The following PLCL2 variants were observed in gnomAD, a reference collection of about 807,000 sequenced individuals.
PLCL2 encodes the protein phospholipase C like 2.
In PLCL2, 4 loss-of-function variants were observed where a neutral mutation model predicts 79.6. The ratio of observed to expected loss-of-function variants is 0.05; its 90% confidence interval spans 0.02 to 0.11. The LOEUF is 0.11. Ranked by LOEUF, PLCL2 falls within the 10% of genes least tolerant of loss-of-function variation. The pLI, the probability that PLCL2 is intolerant of heterozygous loss-of-function variation, is 1.00. For synonymous variants in PLCL2, 484 were observed against 457.7 expected, an observed-to-expected ratio of 1.06 and a Z score of -0.73; for missense variants, 895 against 1,291.0, an observed-to-expected ratio of 0.69 and a Z score of 4.70.
intron 1 of PLCL2, among the ~76,000 whole-genome samples, chr3:16,923,257 A>G (rs1294770416): frequency 6.6e-6 from 1 of 152,140 alleles, no homozygotes; most frequent in Non-Finnish European, 1.5e-5. Context: ...TGGTGATTTG[A>G]GAGTGGAGGT....
At chr3:17,035,727 A>G (rs762186686) in intron 3 of PLCL2, 8 of 511,850 alleles carry the variant, frequency 1.6e-5, no homozygotes, top group Admixed American at 3.9e-5. Flanking sequence ...ATCTTATCCA[A>G]TCTGGCCCTC....
At chr3:17,053,362 AG>A (rs1575606371) in intron 4 of PLCL2, among the ~76,000 whole-genome samples, 1 of 152,100 alleles carries the variant, frequency 6.6e-6, no homozygotes, top group African/African-American at 2.4e-5. Context: ...AGAACTCAAA[AG>A]GGGGGATGGT....
At chr3:16,910,166 TCTC>T (rs1462324410) in intron 1 of PLCL2, among the ~76,000 whole-genome samples, 14 of 152,174 alleles carry the variant, frequency 9.2e-5, no homozygotes, top group Non-Finnish European at 1.9e-4. Flanking sequence ...TGTTGCAACT[TCTC>T]CTGCTGGCTA....
intron 4 of PLCL2, among the ~76,000 whole-genome samples, chr3:17,056,204 G>A (rs978592163): frequency 1.3e-5 from 2 of 152,074 alleles, no homozygotes; most frequent in Admixed American, 6.5e-5. Context: ...AAACCATTTG[G>A]TTATGAGAAT....
chr3:17,087,146 T>C (rs186825034), intron 5 of PLCL2, among the ~76,000 whole-genome samples: 2 of 152,332 alleles, frequency 1.3e-5, no homozygotes, highest in Non-Finnish European at 2.9e-5. Context: ...CCAGCGATCA[T>C]ACCCCTTGGA....
chr3:16,943,333 CTG>C (rs1278282192), intron 1 of PLCL2, among the ~76,000 whole-genome samples: 2 of 152,208 alleles, frequency 1.3e-5, no homozygotes, highest in African/African-American at 4.8e-5. Flanking sequence ...AAATGGCCTC[CTG>C]AGTGTTGCTT....
intron 5 of PLCL2, among the ~76,000 whole-genome samples, chr3:17,087,585 T>G (rs1033957439): frequency 2.6e-5 from 4 of 152,174 alleles, no homozygotes; most frequent in African/African-American, 9.7e-5. Flanking sequence ...TAGATAGATG[T>G]TGTTATACAT....
intron 1 of PLCL2, among the ~76,000 whole-genome samples, chr3:16,949,670 C>T (rs1172696009): frequency 1.3e-5 from 2 of 152,158 alleles, no homozygotes; most frequent in Non-Finnish European, 2.9e-5. Context: ...CTCCATCCTC[C>T]TCCCACTTTG....
intron 4 of PLCL2, among the ~76,000 whole-genome samples, chr3:17,049,670 A>G (rs911311826): frequency 3.3e-5 from 5 of 152,192 alleles, no homozygotes; most frequent in Non-Finnish European, 7.3e-5. Flanking sequence ...AATGAAAGAA[A>G]TTAAAGAGGG....
At chr3:17,035,377 C>G (rs2064636393) in intron 3 of PLCL2, among the ~76,000 whole-genome samples, 1 of 151,850 alleles carries the variant, frequency 6.6e-6, no homozygotes, top group Non-Finnish European at 1.5e-5. Flanking sequence ...GTAAAGCACT[C>G]TATAATTGTA....
chr3:17,011,990 A>T lies in PLCL2; in HGVS notation c.2644A>T (p.Asn882Tyr). The T allele has an allele frequency of 6.2e-7, 1 of 1,614,138 alleles. No individual in the cohort carries two copies. Among genetic ancestry groups the T allele is most frequent in the Non-Finnish European group, 8.5e-7 (1 of 1,179,980 alleles). The change falls in exon 2 of 6, where the codon AAC (asparagine) becomes TAC (tyrosine). Residue 882 changes from asparagine to tyrosine, a missense_variant. By Grantham distance (143) the Asn-to-Tyr change is moderately radical (BLOSUM62 -2). Around this residue, in one of 6 missense-constraint regions of PLCL2, gnomAD observed 298 missense variants for 459.6 expected, o/e 0.65. Transcript: ENST00000615277. The surrounding 1 kb of genome is among the most constrained non-coding windows in gnomAD (Gnocchi z 7.9). ...ASLFVHVAITNRRGGGKPHKR... is the reference protein window; with the variant it reads ...ASLFVHVAITYRRGGGKPHKR... ...TTTATTTGTCCACGTGGCTATTACT[A>T]ACCGAAGAGGAGGAGGAAAGCCTCA...
intron 1 of PLCL2, among the ~76,000 whole-genome samples, chr3:16,945,410 T>A (rs2063592161): frequency 1.3e-5 from 2 of 152,162 alleles, no homozygotes; most frequent in Admixed American, 1.3e-4. Flanking sequence ...AGGGTGAAGT[T>A]TTTTTCTGCT....
intron 1 of PLCL2, among the ~76,000 whole-genome samples, chr3:16,953,280 T>G (rs2063669934): frequency 6.6e-6 from 1 of 152,168 alleles, no homozygotes; most frequent in African/African-American, 2.4e-5. Flanking sequence ...TAACAATACC[T>G]ACCTGTGAGC....
chr3:16,961,454 CTT>C (rs1175600107), intron 1 of PLCL2, among the ~76,000 whole-genome samples: 1 of 152,062 alleles, frequency 6.6e-6, no homozygotes, highest in Non-Finnish European at 1.5e-5. Context: ...TGGAGGGAAA[CTT>C]TATCTGAATG....
chr3:16,958,592 GA>G (rs1198888483), intron 1 of PLCL2, among the ~76,000 whole-genome samples: 1 of 152,016 alleles, frequency 6.6e-6, no homozygotes, highest in African/African-American at 2.4e-5. Flanking sequence ...TTAGAAAGAA[GA>G]AAAAAACTAA....
chr3:17,032,547 T>C (rs1164882409), intron 3 of PLCL2, among the ~76,000 whole-genome samples: 1 of 152,138 alleles, frequency 6.6e-6, no homozygotes, highest in Non-Finnish European at 1.5e-5. Flanking sequence ...CTGTTTTTCC[T>C]TATCTTTGCT....
intron 1 of PLCL2, among the ~76,000 whole-genome samples, chr3:16,904,036 G>T (rs1696691668): frequency 6.6e-6 from 1 of 152,122 alleles, no homozygotes; most frequent in Non-Finnish European, 1.5e-5. Flanking sequence ...GGATATCTTT[G>T]AACTCTAACA....
intron 5 of PLCL2, among the ~76,000 whole-genome samples, chr3:17,068,716 G>A (rs941173468): frequency 4.6e-5 from 7 of 151,970 alleles, no homozygotes; most frequent in Non-Finnish European, 1.0e-4. Flanking sequence ...TCCCATCATC[G>A]AGAGACAATT....
Position 17,010,226 on chromosome 3 carries a change from C to G in PLCL2, c.880C>G (p.Gln294Glu), listed in dbSNP as rs759007948. ...LGHITLCNAV[Q>E]CIRNLNPGLK... ...ACATATAACTCTGTGTAATGCTGTG[C>G]AATGTATCAGAAACCTCAATCCTGG... Residue 294 changes from glutamine (Q) to glutamate (E), a missense_variant, in exon 2 of 6, where the codon CAA (glutamine) becomes GAA (glutamate). Coordinates refer to ENST00000615277, the MANE Select transcript of PLCL2 (RefSeq NM_001144382.2). The surrounding 1 kb of genome is among the most constrained non-coding windows in gnomAD (Gnocchi z 5.8). 3.7e-6 allele frequency: 6 copies of G among 1,613,838 alleles called. No homozygotes were observed. The Admixed American group carries it at 1.0e-4, about 27-fold the overall frequency.
Sources: gnomAD v4.1 joint callset for allele counts (sites outside exome capture counted in the v4.1 genomes callset) on GRCh38, gnomAD v4.1.1 for gene constraint, gnomAD v4.1.1 regional missense constraint, Gnocchi (gnomAD v3.1) non-coding constraint, MANE v1.5 for transcripts, NCBI Gene and HGNC (gene_info 2026-07-23, HGNC 2026-07-21) for gene names.